Variants in SHPRH observed in about 807,000 individuals in gnomAD.
The protein encoded by SHPRH is SNF2 histone linker PHD RING helicase.
Under a neutral mutation model 202.5 loss-of-function variants are expected in SHPRH, and 106 were observed. The ratio of observed to expected loss-of-function variants is 0.52; its 90% CI spans 0.45 to 0.62. SHPRH has a LOEUF of 0.62. Ranked by LOEUF, SHPRH falls within the 20% of genes least tolerant of loss-of-function variation. SHPRH has a pLI of 0.00. For missense variants in SHPRH, 1,710 were observed against 2,020.0 expected (o/e 0.85, Z 2.94); for synonymous variants, 729 against 686.0 (o/e 1.06, Z -0.98).
intron 25 of SHPRH, among the ~76,000 whole-genome samples, chr6:145,895,709 A>C (rs1781955215): frequency 6.6e-6 from 1 of 151,982 alleles, no homozygotes; most frequent in African/African-American, 2.4e-5. Context: ...TATGACAGAG[A>C]AATTAAGGTT....
At chr6:145,901,169 C>T (rs1455202596) in intron 25 of SHPRH, among the ~76,000 whole-genome samples, 1 of 152,032 alleles carries the variant, frequency 6.6e-6, no homozygotes, top group Non-Finnish European at 1.5e-5. Context: ...AAATACACTC[C>T]CTTGTCTCCA....
chr6:145,938,935 C>G (rs2128774515), intron 11 of SHPRH, among the ~76,000 whole-genome samples: 1 of 152,246 alleles, frequency 6.6e-6, no homozygotes, highest in Non-Finnish European at 1.5e-5. Context: ...TTTCTGAAGA[C>G]ATTTCTGGGT....
chr6:145,933,858 C>G (rs1785738220), intron 13 of SHPRH, among the ~76,000 whole-genome samples: 2 of 152,060 alleles, frequency 1.3e-5, no homozygotes, highest in South Asian at 4.1e-4. Context: ...ATTATGAACA[C>G]AAATTTCTTA....
chr6:145,907,427 G>C (rs1783061829), intron 25 of SHPRH: 1 of 152,128 alleles, frequency 6.6e-6, no homozygotes, highest in African/African-American at 2.4e-5. Context: ...CCACACAAGA[G>C]AGATCTTTTT....
In SHPRH at chr6:145,926,305, A is replaced by G. The variant is rs1272229527; in HGVS notation, c.3202-9T>C. 1.9e-6 allele frequency: 3 copies of G among 1,611,348 alleles called. No individual in the cohort carries two copies. Among genetic ancestry groups the G allele is most frequent in the African/African-American group, 2.7e-5 (2 of 74,938 alleles). On this transcript the variant is annotated splice_polypyrimidine_tract_variant and intron_variant, in intron 15 of 29. Transcript: ENST00000275233. ...TGGGTAGCATGAAGTCTCTACAAAC[A>G]TATCAAAGGCAGTAATTATGACAGT...
intron 2 of SHPRH, among the ~76,000 whole-genome samples, chr6:145,874,733 C>T (rs1000478795): frequency 1.3e-5 from 2 of 151,984 alleles, no homozygotes; most frequent in African/African-American, 4.8e-5. Flanking sequence ...ATACAAACAG[C>T]TCATTCCTTA....
chr6:145,890,961 C>A (rs928837098), intron 28 of SHPRH, among the ~76,000 whole-genome samples: 1 of 152,154 alleles, frequency 6.6e-6, no homozygotes, highest in Admixed American at 6.5e-5. Flanking sequence ...GGTCAGGTCA[C>A]CTTCAGCTCT....
At chr6:145,936,244 T>C (rs1464909941) in intron 11 of SHPRH, among the ~76,000 whole-genome samples, 2 of 152,084 alleles carry the variant, frequency 1.3e-5, no homozygotes, top group African/African-American at 4.8e-5. Flanking sequence ...AAAAGGAATA[T>C]AAAATTGTGC....
At chr6:145,860,637 GA>G (rs1286707619), downstream of SHPRH, among the ~76,000 whole-genome samples, 5 of 151,836 alleles carry the variant, frequency 3.3e-5, no homozygotes, top group African/African-American at 1.2e-4. Context: ...TCCAGAAATA[GA>G]AAAAAGAATC....
chr6:145,950,028 G>T (rs1054906235), intron 4 of SHPRH, among the ~76,000 whole-genome samples: 2 of 151,982 alleles, frequency 1.3e-5, no homozygotes, highest in African/African-American at 4.8e-5. Flanking sequence ...AATTGAGGCA[G>T]GATTGATTTC....
intron 23 of SHPRH, among the ~76,000 whole-genome samples, chr6:145,914,571 A>G (rs1178597101): frequency 2.0e-5 from 3 of 152,164 alleles, no homozygotes; most frequent in Non-Finnish European, 2.9e-5. Context: ...TACTTACGAA[A>G]AAAGGCAGCG....
intron 25 of SHPRH, 52 bp from the exon 26 acceptor site, chr6:145,895,029 A>G (rs1781892277): frequency 1.3e-6 from 2 of 1,534,788 alleles, no homozygotes; most frequent in Admixed American, 1.8e-5. Flanking sequence ...CTAGTTAAGA[A>G]CAGAATAGAA....
chr6:145,926,826 A>G (rs1291388548), intron 15 of SHPRH, among the ~76,000 whole-genome samples: 2 of 151,958 alleles, frequency 1.3e-5, no homozygotes, highest in African/African-American at 2.4e-5. Flanking sequence ...GATAGATTTT[A>G]TTGCTTAGTT....
intron 2 of SHPRH, among the ~76,000 whole-genome samples, chr6:145,873,674 G>C (rs1780157931): frequency 7.8e-6 from 1 of 128,556 alleles, no homozygotes; most frequent in African/African-American, 3.0e-5. Flanking sequence ...CAGTTTTAGT[G>C]TCTCAGTAAC....
At chr6:145,858,917 T>A in the SHPRH span, among the ~76,000 whole-genome samples, 2 of 152,082 alleles carry the variant, frequency 1.3e-5, no homozygotes, top group Non-Finnish European at 2.9e-5. Flanking sequence ...CGGCTCTTCA[T>A]GACTGGGCGG....
intron 2 of SHPRH, among the ~76,000 whole-genome samples, chr6:145,870,259 A>ATTTTT (rs146513776): frequency 1.9e-5 from 2 of 107,764 alleles, no homozygotes; most frequent in Admixed American, 1.9e-4. Context: ...ATCGTTTCAG[A>ATTTTT]TTTTTTTTTT....
chr6:145,869,331 C>G (rs1177323122), intron 2 of SHPRH, among the ~76,000 whole-genome samples: 4 of 152,160 alleles, frequency 2.6e-5, no homozygotes, highest in Non-Finnish European at 5.9e-5. Flanking sequence ...ATTTGCAGAG[C>G]AGAAATTAGT....
chr6:145,895,115 T>A (rs1781901975), intron 25 of SHPRH, 138 bp from the exon 26 acceptor site: 4 of 683,922 alleles, frequency 5.8e-6, no homozygotes, highest in African/African-American at 5.6e-5. Flanking sequence ...ATGTGTTTAC[T>A]CTTTTTCATT....
rs1399333880 is a variant in SHPRH, at chr6:145,886,741, C to T, written c.5002G>A (p.Val1668Met). The T allele has an allele frequency of 6.2e-7, 1 of 1,613,780 alleles. No homozygotes were observed. The highest frequency in any genetic ancestry group is 1.7e-5 in the Admixed American group (1 of 60,000). The change falls in exon 30 of 30, where the codon GTG (valine) becomes ATG (methionine). Residue 1668 changes from valine to methionine, a missense_variant. This residue lies in a region of SHPRH where 306 missense variants were observed against 479.5 expected (regional missense o/e 0.64). Transcript: ENST00000275233. Reference sequence around the variant, plus strand: ...GTAAATAGGTCTGCCAGGTCAGCCACAGTCAAGACAGAGGCCTCTGAATGC... The same window carrying T: ...GTAAATAGGTCTGCCAGGTCAGCCATAGTCAAGACAGAGGCCTCTGAATGC... The part of the protein sequence containing the change: ...AKHSEASVLT[V>M]ADLADLFTKE...
Sources: gnomAD v4.1 joint callset for allele counts (sites outside exome capture counted in the v4.1 genomes callset) on GRCh38, gnomAD v4.1.1 for gene constraint, gnomAD v4.1.1 regional missense constraint, MANE v1.5 for transcripts, NCBI Gene and HGNC (gene_info 2026-07-23, HGNC 2026-07-21) for gene names.